Variants in SYT17 observed in about 807,000 individuals in gnomAD.
The protein encoded by SYT17 is synaptotagmin-17.
In SYT17, 22 loss-of-function variants were observed where a neutral mutation model predicts 46.7. The ratio of observed to expected loss-of-function variants is 0.47; its 90% CI spans 0.34 to 0.67. SYT17 has a LOEUF of 0.67. SYT17 is among the 30% of genes least tolerant of loss of function. The pLI, the probability that SYT17 is intolerant of heterozygous loss-of-function variation, is 0.01. For synonymous variants in SYT17, 251 were observed against 248.4 expected (o/e 1.01, Z -0.10); for missense variants, 519 against 612.8 (o/e 0.85, Z 1.62).
intron 3 of SYT17, among the ~76,000 whole-genome samples, chr16:19,179,297 TAAA>T (rs894121853): frequency 3.3e-5 from 5 of 152,204 alleles, no homozygotes; most frequent in African/African-American, 1.2e-4. Context: ...CCAGCTAATT[TAAA>T]AAATTTTTTT....
chr16:19,213,834 G>C (rs752625524), intron 5 of SYT17, among the ~76,000 whole-genome samples: 11 of 152,134 alleles, frequency 7.2e-5, no homozygotes, highest in South Asian at 2.1e-4. Flanking sequence ...CTGACGAACT[G>C]TTCTTATACC....
chr16:19,187,211 A>G (rs1420798367), intron 5 of SYT17, among the ~76,000 whole-genome samples: 1 of 152,006 alleles, frequency 6.6e-6, no homozygotes, highest in Non-Finnish European at 1.5e-5. Flanking sequence ...GTTTTTAAAA[A>G]AATACATTTT....
rs1301006149 is a variant in SYT17, at chr16:19,249,923, G to C, written c.1229-16957G>C. ...CCCTTGTCCCCAGCAGATTCACCAA[G>C]TCCTCTTTTTGCTCTAGGATCCAAC... On this transcript the variant is annotated intron_variant, in intron 7 of 7. Coordinates refer to ENST00000355377, the MANE Select transcript of SYT17 (RefSeq NM_016524.4). 3.9e-6 allele frequency: 6 copies of C among 1,534,506 alleles called. 1 individual carries two copies. In the South Asian group the frequency reaches 6.0e-5, roughly 15 times the overall value.
intron 7 of SYT17, among the ~76,000 whole-genome samples, chr16:19,247,636 A>G (rs1402252191): frequency 6.6e-6 from 1 of 152,250 alleles, no homozygotes; most frequent in Non-Finnish European, 1.5e-5. Context: ...CTTGCCCCGC[A>G]GAAGATTCTT....
At chr16:19,220,303 C>CTT (rs1555459738) in intron 5 of SYT17, among the ~76,000 whole-genome samples, 14 of 80,484 alleles carry the variant, frequency 1.7e-4, no homozygotes, top group South Asian at 1.1e-3. Context: ...TTCTTTCTTT[C>CTT]TTTTTTTTTT....
At chr16:19,184,897 C>T (rs894038929) in intron 5 of SYT17, among the ~76,000 whole-genome samples, 50 of 152,290 alleles carry the variant, frequency 3.3e-4, no homozygotes, top group Non-Finnish European at 7.1e-4. Flanking sequence ...AGATTGGCTT[C>T]CTTCCCCCTG....
At chr16:19,242,377 C>T (rs541961638) in intron 7 of SYT17, among the ~76,000 whole-genome samples, 1 of 152,186 alleles carries the variant, frequency 6.6e-6, no homozygotes, top group East Asian at 1.9e-4. Context: ...GCAAAAGGCC[C>T]TGGGGCAGGA....
chr16:19,184,948 C>CCA (rs1385952051), intron 5 of SYT17, among the ~76,000 whole-genome samples: 1 of 152,144 alleles, frequency 6.6e-6, no homozygotes. Context: ...GGGAAGCCAC[C>CCA]CACGGACCAG....
At chr16:19,195,423 T>C (rs1965197991) in intron 5 of SYT17, among the ~76,000 whole-genome samples, 1 of 150,274 alleles carries the variant, frequency 6.7e-6, no homozygotes, top group Admixed American at 6.7e-5. Context: ...TTTTAAGAGA[T>C]TGGGGAGTGG....
chr16:19,256,952 G>A (rs1968617248), intron 7 of SYT17, among the ~76,000 whole-genome samples: 1 of 151,990 alleles, frequency 6.6e-6, no homozygotes, highest in African/African-American at 2.4e-5. Context: ...GTGCTGGCTG[G>A]GTGGCTTTGA....
At chr16:19,254,457 G>A (rs1231155215) in intron 7 of SYT17, among the ~76,000 whole-genome samples, 1 of 152,068 alleles carries the variant, frequency 6.6e-6, no homozygotes, top group Non-Finnish European at 1.5e-5. Flanking sequence ...GAATCTCTTG[G>A]GGGTAAAGCT....
At chr16:19,233,868 C>A (rs1407240779) in intron 7 of SYT17, among the ~76,000 whole-genome samples, 1 of 152,112 alleles carries the variant, frequency 6.6e-6, no homozygotes, top group Non-Finnish European at 1.5e-5. Context: ...TGGCCACAGC[C>A]CACCCATGAC....
In SYT17 at chr16:19,183,565, T is replaced by A; in HGVS notation, c.369T>A (p.Asp123Glu). 6.2e-7 allele frequency: 1 copy of A among 1,614,224 alleles called. No individual in the cohort carries two copies. The highest frequency in any genetic ancestry group is 8.5e-7 in the Non-Finnish European group (1 of 1,180,040). ...ESRRPSSPLIDIKPIEFGVLS... is the reference protein window; with the variant it reads ...ESRRPSSPLIEIKPIEFGVLS... ...GACGTCCCAGCTCTCCACTCATCGA[T>A]ATTAAACCCATCGAGTTTGGCGTTC... The change falls in exon 5 of 8, where the codon GAT becomes GAA. Residue 123 changes from aspartate to glutamate, a missense_variant. Physicochemically the swap from Asp to Glu is conservative, Grantham distance 45 (BLOSUM62 2). Transcript: ENST00000355377. This position sits in a 1 kb window ranked among gnomAD's most constrained non-coding sequence, Gnocchi z 5.6.
chr16:19,202,795 T>G (rs947858479), intron 5 of SYT17, among the ~76,000 whole-genome samples: 1 of 152,186 alleles, frequency 6.6e-6, no homozygotes, highest in Non-Finnish European at 1.5e-5. Flanking sequence ...GGCGCAATGA[T>G]GGCTCACTGC....
upstream of SYT17, chr16:19,168,094 G>T (rs187288735): frequency 9.6e-3 from 1,499 of 156,272 alleles, 29 homozygotes; most frequent in African/African-American, 0.034. The surrounding 1 kb of genome is among the most constrained non-coding windows in gnomAD (Gnocchi z 6.9). Context: ...TTCATGGCAG[G>T]CTGCACTGTG....
chr16:19,184,099 C>T lies in SYT17; in HGVS notation c.903C>T (p.Asp301=), dbSNP rs1245702292. Residue 301 remains aspartate, a synonymous_variant, in exon 5 of 8, where the codon GAC becomes GAT. Transcript: ENST00000355377. ...GKVSVPLCEV[D]LVKGGHWWKA... ...TTTCTGTGCCTTTGTGTGAAGTTGA[C>T]CTGGTCAAGGGCGGGCACTGGTGGA... 2 of 1,614,172 alleles carry T rather than the reference C, an allele frequency of 1.2e-6. No homozygotes were observed. The highest frequency in any genetic ancestry group is 1.1e-5 in the South Asian group (1 of 91,090).
intron 7 of SYT17, among the ~76,000 whole-genome samples, chr16:19,249,275 A>AAAATAAATAAATAAAT (rs71375627): frequency 0.14 from 20,573 of 145,108 alleles, 1,657 homozygotes; most frequent in South Asian, 0.22. Context: ...CGCCGTCTCA[A>AAAATAAATAAATAAAT]AAATAAATAA....
At chr16:19,171,694 AT>A (rs1169929590) in intron 1 of SYT17, 1 of 152,162 alleles carries the variant, frequency 6.6e-6, no homozygotes, top group African/African-American at 2.4e-5. Context: ...CTTTAAAAAA[AT>A]CATATGAAAA....
Position 19,168,495 on chromosome 16 carries a change from C to A in SYT17, c.-152C>A. The A allele has an allele frequency of 7.7e-6, 8 of 1,043,872 alleles. No individual in the cohort carries two copies. Among genetic ancestry groups the A allele is most frequent in the Non-Finnish European group, 1.1e-5 (8 of 727,536 alleles). 64.7% of individuals were successfully genotyped at this position (1,043,872 alleles called of 1,614,324 possible). A position where few individuals can be genotyped will look rare whatever the true frequency, so the allele number is the denominator to read the frequency against. On this transcript the variant is annotated 5_prime_UTR_variant, in exon 1 of 8. Coordinates refer to ENST00000355377, the MANE Select transcript of SYT17 (RefSeq NM_016524.4). This position sits in a 1 kb window ranked among gnomAD's most constrained non-coding sequence, Gnocchi z 6.9. ...ACGGGGCGGCCGGCGGAGGGGCGGGCGCCGCTCATCAGCCACGCCAGTCAC... is the reference window on the plus strand; with the variant it reads ...ACGGGGCGGCCGGCGGAGGGGCGGGAGCCGCTCATCAGCCACGCCAGTCAC...
Sources: gnomAD v4.1 joint callset for allele counts (sites outside exome capture counted in the v4.1 genomes callset) on GRCh38, gnomAD v4.1.1 for gene constraint, Gnocchi (gnomAD v3.1) non-coding constraint, MANE v1.5 for transcripts, NCBI Gene and HGNC (gene_info 2026-07-23, HGNC 2026-07-21) for gene names.